FBRSL1: variants seen among roughly 807,000 people sequenced by gnomAD.
The protein encoded by FBRSL1 is fibrosin like 1, also known as fibrosin-1-like protein.
FBRSL1 carries 51 observed loss-of-function variants against 89.6 expected under a neutral mutation model. The observed-to-expected ratio is 0.57, with a 90% CI of 0.45 to 0.72. FBRSL1 has a LOEUF of 0.72. FBRSL1 is among the 30% of genes least tolerant of loss of function. FBRSL1 has a pLI of 0.00. For synonymous variants in FBRSL1, 779 were observed against 681.1 expected (o/e 1.14, Z -2.24); for missense variants, 1,618 against 1,451.8 (o/e 1.11, Z -1.86).
chr12:132,535,785 C>A (rs1376523713), intron 4 of FBRSL1, among the ~76,000 whole-genome samples: 1 of 149,844 alleles, frequency 6.7e-6, no homozygotes, highest in East Asian at 2.0e-4. Flanking sequence ...GCACGTGTGT[C>A]CATGATGGTG....
Position 132,571,486 on chromosome 12 carries a change from G to T in FBRSL1, c.1377+255G>T, listed in dbSNP as rs1192957610. 9 of 1,546,912 alleles carry T rather than the reference G, an allele frequency of 5.8e-6. No individual in the cohort carries two copies. Among genetic ancestry groups the T allele is most frequent in the Non-Finnish European group, 7.0e-6 (8 of 1,144,962 alleles). ...CCAACACACATTCGCCCCCTTCCCC[G>T]CAGGGCTGCCCCCGACGCCGCCCGC... On this transcript the variant is annotated intron_variant, in intron 9 of 18. Coordinates refer to ENST00000680143, the MANE Select transcript of FBRSL1 (RefSeq NM_001367871.1).
intron 2 of FBRSL1, chr12:132,509,616 C>T (rs1045374324): frequency 1.6e-6 from 2 of 1,231,962 alleles, no homozygotes; most frequent in East Asian, 3.2e-5. Flanking sequence ...CCCACGGTCC[C>T]TCCTGGTCCC....
intron 1 of FBRSL1, among the ~76,000 whole-genome samples, chr12:132,501,878 G>T (rs1413552914): frequency 6.6e-6 from 1 of 152,204 alleles, no homozygotes; most frequent in Non-Finnish European, 1.5e-5. Flanking sequence ...CTGCTCACAG[G>T]GTCCTGCCCT....
At chr12:132,547,744 C>T (rs1213543666) in intron 4 of FBRSL1, among the ~76,000 whole-genome samples, 1 of 152,206 alleles carries the variant, frequency 6.6e-6, no homozygotes, top group Admixed American at 6.5e-5. Context: ...TTGTCCCCAT[C>T]GCTGGCTAGT....
At chr12:132,555,263 AGGGGGGTCAC>A (rs2038514480) in intron 5 of FBRSL1, among the ~76,000 whole-genome samples, 1 of 151,848 alleles carries the variant, frequency 6.6e-6, no homozygotes, top group African/African-American at 2.4e-5. Context: ...GTATCTCTGG[AGGGGGGTCAC>A]GGCTTTCTCT....
intron 1 of FBRSL1, among the ~76,000 whole-genome samples, chr12:132,492,168 T>C (rs1593209122): frequency 6.6e-6 from 1 of 152,150 alleles, no homozygotes; most frequent in African/African-American, 2.4e-5. Flanking sequence ...ATGCCCACTT[T>C]CCAGAGCTGT....
intron 2 of FBRSL1, among the ~76,000 whole-genome samples, chr12:132,513,468 A>G (rs113741992): frequency 4.9e-4 from 74 of 152,110 alleles, no homozygotes; most frequent in African/African-American, 1.8e-3. Context: ...CTGCCCGACT[A>G]CAGAGACCCT....
chr12:132,536,949 C>G (rs1048672221), intron 4 of FBRSL1, among the ~76,000 whole-genome samples: 1 of 152,212 alleles, frequency 6.6e-6, no homozygotes, highest in Admixed American at 6.5e-5. Flanking sequence ...TGTGCCATGC[C>G]TGTGTGGTAA....
intron 1 of FBRSL1, among the ~76,000 whole-genome samples, chr12:132,502,102 C>A (rs946633851): frequency 1.3e-5 from 2 of 152,220 alleles, no homozygotes; most frequent in African/African-American, 4.8e-5. Flanking sequence ...GCGTCCCACT[C>A]AGTGTGTTGA....
At chr12:132,504,944 A>T (rs2033497789) in intron 1 of FBRSL1, among the ~76,000 whole-genome samples, 1 of 152,194 alleles carries the variant, frequency 6.6e-6, no homozygotes, top group South Asian at 2.1e-4. Context: ...AGCCTGGCCA[A>T]CATGGTGAAA....
intron 15 of FBRSL1, chr12:132,581,178 A>G (rs933242741): frequency 3.0e-5 from 29 of 981,608 alleles, no homozygotes; most frequent in Admixed American, 6.2e-5. Flanking sequence ...CGAGGGTTGC[A>G]TCGCACTCAG....
At chr12:132,511,011 G>T (rs2034275322) in intron 2 of FBRSL1, 2 of 986,824 alleles carry the variant, frequency 2.0e-6, no homozygotes, top group Non-Finnish European at 2.4e-6. Flanking sequence ...AGGATCTGTG[G>T]GGTGCTGCAG....
At chr12:132,547,351 G>A (rs1304695217) in intron 4 of FBRSL1, among the ~76,000 whole-genome samples, 1 of 152,144 alleles carries the variant, frequency 6.6e-6, no homozygotes, top group Non-Finnish European at 1.5e-5. Context: ...ACTGAAAACG[G>A]AGAACGGATT....
At chr12:132,509,839 G>C in intron 2 of FBRSL1, 2 of 1,231,880 alleles carry the variant, frequency 1.6e-6, no homozygotes, top group Non-Finnish European at 2.0e-6. Flanking sequence ...CAGCCCCCGC[G>C]GCCACTCCTC....
intron 2 of FBRSL1, among the ~76,000 whole-genome samples, chr12:132,523,272 G>A (rs1167507687): frequency 6.6e-6 from 1 of 152,180 alleles, no homozygotes; most frequent in East Asian, 1.9e-4. Flanking sequence ...GGGACAGAGT[G>A]GGGTGACCAG....
rs1213157979 is a variant in FBRSL1, at chr12:132,582,087, C to T, written c.2022C>T (p.Pro674=). The change falls in exon 18 of 19, where the codon CCC becomes CCT. Residue 674 remains proline (P), a synonymous_variant. Transcript: ENST00000680143. ...ALAPGGSIFA[P]KEGSSVHGLP... is the part of the protein sequence containing the mutation. ...CTCCCGGTGGCAGCATCTTTGCCCC[C>T]AAGGAGGGCTCCTCCGTGCACGGCC... 2.3e-5 allele frequency: 36 copies of T among 1,548,518 alleles called. No homozygotes were observed. The highest frequency in any genetic ancestry group is 3.1e-5 in the Non-Finnish European group (35 of 1,145,986).
chr12:132,511,024 C>A, intron 2 of FBRSL1: 1 of 986,560 alleles, frequency 1.0e-6, no homozygotes, highest in Non-Finnish European at 1.2e-6. Context: ...TGCTGCAGTT[C>A]CTGCAGAGTG....
chr12:132,571,385 C>T lies in FBRSL1; in HGVS notation c.1377+154C>T, dbSNP rs368308315. 4.3e-5 allele frequency: 67 copies of T among 1,550,810 alleles called. No individual in the cohort carries two copies. Among genetic ancestry groups the T allele is most frequent in the Non-Finnish European group, 5.5e-5 (63 of 1,146,598 alleles). Reference sequence around the variant, plus strand: ...GAGCGGCCTGGCGCCTCCCTGGGCCCGGGGGCTCTGCTGCGGGCGGAGTTC... The same window carrying T: ...GAGCGGCCTGGCGCCTCCCTGGGCCTGGGGGCTCTGCTGCGGGCGGAGTTC... On this transcript the variant is annotated intron_variant, in intron 9 of 18. Transcript: ENST00000680143.
Position 132,583,023 on chromosome 12 carries a change from G to A in FBRSL1, c.2254G>A (p.Ala752Thr). The A allele has an allele frequency of 6.9e-7, 1 of 1,457,198 alleles. No homozygotes were observed. The highest frequency in any genetic ancestry group is 9.0e-7 in the Non-Finnish European group (1 of 1,112,418). The allele number at this position is 1,457,198 out of a possible 1,614,324, so 90.3% of individuals were successfully genotyped here. The change falls in exon 19 of 19, where the codon GCT (alanine) becomes ACT (threonine). Residue 752 changes from alanine to threonine, a missense_variant. Transcript: ENST00000680143. ...GAGCCGGGCCTCGCCCGCCACCCCC[G>A]CTGGCCACCCCGTCAGCGGCCTCCT... ...LLSRASPATPAGHPVSGLLLR... is the reference protein window; with the variant it reads ...LLSRASPATPTGHPVSGLLLR...
Sources: gnomAD v4.1 joint callset for allele counts (sites outside exome capture counted in the v4.1 genomes callset) on GRCh38, gnomAD v4.1.1 for gene constraint, MANE v1.5 for transcripts, NCBI Gene and HGNC (gene_info 2026-07-23, HGNC 2026-07-21) for gene names.